TBCK: variants seen among roughly 807,000 people sequenced by gnomAD.
TBCK encodes the protein TBC1 domain containing kinase.
Under a neutral mutation model 113.4 loss-of-function variants are expected in TBCK, and 99 were observed. The ratio of observed to expected loss-of-function variants is 0.87; its 90% CI spans 0.74 to 1.03. The LOEUF is 1.03. Ranked by LOEUF, TBCK falls within the 50% of genes least tolerant of loss-of-function variation. The probability of loss-of-function intolerance (pLI) is 0.00; values close to 1 mark genes in which losing one functional copy is unlikely to be tolerated. For missense variants in TBCK, 1,045 were observed against 1,061.3 expected, an observed-to-expected ratio of 0.98 and a Z score of 0.21; for synonymous variants, 369 against 370.8, an observed-to-expected ratio of 1.00 and a Z score of 0.05.
intron 25 of TBCK, among the ~76,000 whole-genome samples, chr4:106,092,293 G>T (rs1458669351): frequency 1.3e-5 from 2 of 152,196 alleles, no homozygotes; most frequent in African/African-American, 4.8e-5. Flanking sequence ...AGACATAAAG[G>T]TTCTCCAAGT....
intron 23 of TBCK, among the ~76,000 whole-genome samples, chr4:106,168,780 T>TCC (rs1750676289): frequency 6.6e-6 from 1 of 151,870 alleles, no homozygotes; most frequent in Non-Finnish European, 1.5e-5. Flanking sequence ...TCTAACTATA[T>TCC]ATATATAAGA....
chr4:106,274,585 T>C (rs1434254623), intron 3 of TBCK, among the ~76,000 whole-genome samples: 1 of 152,214 alleles, frequency 6.6e-6, no homozygotes, highest in African/African-American at 2.4e-5. Flanking sequence ...AAAAGTCATA[T>C]ACTGTATAAT....
At chr4:106,214,087 G>A (rs536151845) in intron 19 of TBCK, among the ~76,000 whole-genome samples, 2 of 152,246 alleles carry the variant, frequency 1.3e-5, no homozygotes, top group South Asian at 4.2e-4. Context: ...CTAACTGGGA[G>A]GCACCCTCCA....
intron 23 of TBCK, among the ~76,000 whole-genome samples, chr4:106,145,089 G>T (rs937193979): frequency 2.0e-5 from 3 of 151,760 alleles, no homozygotes; most frequent in African/African-American, 4.8e-5. Flanking sequence ...GGAGGCCTAG[G>T]GGGGCAGATC....
rs1223925458 is a variant in TBCK, at chr4:106,235,335, T to C, written c.1383A>G (p.Lys461=). 6 of 1,610,282 alleles carry C rather than the reference T, an allele frequency of 3.7e-6. No homozygotes were observed. Among genetic ancestry groups the C allele is most frequent in the Admixed American group, 1.7e-5 (1 of 59,624 alleles). ...AYPYKKNQIW[K]EARVDIPPLM... is the part of the protein sequence containing the mutation. ...GAGGAGGAATGTCAACTCTTGCTTCTTTCCAGATTTGGTTTTTTTTATATG... is the reference window on the plus strand; with the variant it reads ...GAGGAGGAATGTCAACTCTTGCTTCCTTCCAGATTTGGTTTTTTTTATATG... Residue 461 remains lysine (K), a synonymous_variant, in exon 15 of 26, where the codon AAA becomes AAG. Coordinates refer to ENST00000394708, the MANE Select transcript of TBCK (RefSeq NM_001163435.3).
Position 106,308,851 on chromosome 4 carries a change from T to G in TBCK, c.110A>C (p.Lys37Thr), listed in dbSNP as rs755840392. The G allele has an allele frequency of 3.1e-6, 5 of 1,614,070 alleles. No homozygotes were observed. The highest frequency in any genetic ancestry group is 1.1e-5 in the South Asian group (1 of 91,084). Reference protein sequence around the residue: ...NGLPLTPNSIKILGRFQILKT... With the variant: ...NGLPLTPNSITILGRFQILKT... ...AAGGATTTGAAAGCGCCCTAAAATT[T>G]TGATGGAATTTGGTGTGAGAGGAAG... The change falls in exon 2 of 26, where the codon AAA (lysine) becomes ACA (threonine). Residue 37 changes from lysine (K) to threonine (T), a missense_variant. Lys to Thr is a moderately conservative substitution (Grantham distance 78). Transcript: ENST00000394708.
intron 15 of TBCK, among the ~76,000 whole-genome samples, chr4:106,234,525 C>T (rs1012492991): frequency 6.6e-6 from 1 of 152,026 alleles, no homozygotes; most frequent in Non-Finnish European, 1.5e-5. Context: ...TTCACTGCAG[C>T]CTCGAACTCC....
At chr4:106,157,755 G>T (rs1268056997) in intron 23 of TBCK, among the ~76,000 whole-genome samples, 2 of 152,150 alleles carry the variant, frequency 1.3e-5, no homozygotes, top group African/African-American at 2.4e-5. Context: ...ACCAGGTACT[G>T]TGAGTGCTCA....
intron 2 of TBCK, among the ~76,000 whole-genome samples, chr4:106,306,796 C>T (rs1767576184): frequency 1.3e-5 from 2 of 152,172 alleles, no homozygotes; most frequent in Non-Finnish European, 2.9e-5. Context: ...CTCAACATGG[C>T]ACCACCCATG....
chr4:106,188,285 A>C (rs956037212), intron 22 of TBCK, among the ~76,000 whole-genome samples: 1 of 152,152 alleles, frequency 6.6e-6, no homozygotes, highest in African/African-American at 2.4e-5. Context: ...TTCTTATTGC[A>C]ATATCTATCA....
At chr4:106,286,645 A>AAC (rs1182913260) in intron 3 of TBCK, among the ~76,000 whole-genome samples, 1 of 152,142 alleles carries the variant, frequency 6.6e-6, no homozygotes. Context: ...TAGGCAACAT[A>AAC]ATGAGACCCC....
chr4:106,123,216 T>A (rs1408753129), intron 23 of TBCK, among the ~76,000 whole-genome samples: 3 of 152,162 alleles, frequency 2.0e-5, no homozygotes, highest in Non-Finnish European at 2.9e-5. Context: ...ATCACAAGCA[T>A]TCTTATACAC....
At chr4:106,120,308 G>T (rs1362511890) in intron 23 of TBCK, among the ~76,000 whole-genome samples, 1 of 152,122 alleles carries the variant, frequency 6.6e-6, no homozygotes, top group East Asian at 1.9e-4. Context: ...CTGGCTCGGA[G>T]GGTCTTACGC....
chr4:106,095,443 C>T (rs1019092545), intron 25 of TBCK, 39 bp downstream of exon 25: 11 of 1,546,264 alleles, frequency 7.1e-6, no homozygotes, highest in Non-Finnish European at 7.9e-6. Context: ...AGGTAAATCA[C>T]TCATCATATG....
chr4:106,062,201 C>A (rs1305786330), intron 25 of TBCK, among the ~76,000 whole-genome samples: 3 of 151,766 alleles, frequency 2.0e-5, no homozygotes, highest in Non-Finnish European at 2.9e-5. Flanking sequence ...TTAAACAAGT[C>A]CTTCCAGAAA....
chr4:106,179,258 C>T (rs1040683070), intron 22 of TBCK, among the ~76,000 whole-genome samples: 2 of 151,868 alleles, frequency 1.3e-5, no homozygotes, highest in Non-Finnish European at 2.9e-5. Flanking sequence ...TTTTATTCTG[C>T]TCTTTATTAT....
intron 23 of TBCK, among the ~76,000 whole-genome samples, chr4:106,149,814 T>C (rs1748269857): frequency 6.6e-6 from 1 of 152,220 alleles, no homozygotes; most frequent in Non-Finnish European, 1.5e-5. Flanking sequence ...TTTTAATTTG[T>C]ATAAAACAGC....
chr4:106,167,483 G>C (rs1239262631), intron 23 of TBCK, among the ~76,000 whole-genome samples: 1 of 150,950 alleles, frequency 6.6e-6, no homozygotes, highest in Non-Finnish European at 1.5e-5. Context: ...ACTAGAAAAA[G>C]AACAGCAAAT....
At chr4:106,098,370 T>C (rs1381415825) in intron 24 of TBCK, among the ~76,000 whole-genome samples, 3 of 152,048 alleles carry the variant, frequency 2.0e-5, no homozygotes, top group Non-Finnish European at 4.4e-5. Context: ...GAAATATTAC[T>C]ATTAAGGAAA....
Sources: allele counts gnomAD v4.1 joint callset (sites outside exome capture counted in the v4.1 genomes callset), GRCh38; gene constraint gnomAD v4.1.1; transcripts MANE v1.5; gene names NCBI Gene and HGNC (gene_info 2026-07-23, HGNC 2026-07-21).